The following DUSP6 variants were observed in gnomAD, a reference collection of about 807,000 sequenced individuals.
DUSP6 encodes dual specificity phosphatase 6, also known as dual specificity protein phosphatase 6.
In DUSP6, 6 loss-of-function variants were observed where a neutral mutation model predicts 28.0. The observed-to-expected ratio is 0.21, with a 90% CI of 0.12 to 0.42. DUSP6 has a LOEUF of 0.42. Ranked by LOEUF, DUSP6 falls within the 10% of genes least tolerant of loss-of-function variation. DUSP6 has a pLI of 1.00. For missense variants in DUSP6, 451 were observed against 498.1 expected (o/e 0.91, Z 0.90); for synonymous variants, 252 against 217.5 (o/e 1.16, Z -1.40).
Position 89,350,920 on chromosome 12 carries a change from C to G in DUSP6, c.506G>C (p.Gly169Ala), listed in dbSNP as rs772620260. 1 of 1,613,794 alleles carries G rather than the reference C, an allele frequency of 6.2e-7. No individual in the cohort carries two copies. Among genetic ancestry groups the G allele is most frequent in the Admixed American group, 1.7e-5 (1 of 60,026 alleles). Reference sequence around the variant, plus strand: ...GGAAGAGTCAGAGCTGATCCGCAGGCCCCCGAGCCCCAGCACTGGCAACGG... The same window carrying G: ...GGAAGAGTCAGAGCTGATCCGCAGGGCCCCGAGCCCCAGCACTGGCAACGG... The part of the protein sequence containing the change: ...SPPLPVLGLG[G>A]LRISSDSSSD... Residue 169 changes from glycine to alanine, a missense_variant, in exon 2 of 3, where the codon GGC (glycine) becomes GCC (alanine). Physicochemically the swap from Gly to Ala is moderately conservative, Grantham distance 60. This residue lies in a region of DUSP6 where 347 missense variants were observed against 346.6 expected (regional missense o/e 1.00). Coordinates refer to ENST00000279488, the MANE Select transcript of DUSP6 (RefSeq NM_001946.4).
At chr12:89,350,256 T>C (rs757270189) in intron 2 of DUSP6, among the ~76,000 whole-genome samples, 5 of 152,248 alleles carry the variant, frequency 3.3e-5, no homozygotes, top group Admixed American at 6.5e-5. Flanking sequence ...CTGGAATTCC[T>C]GTCTATAGTG....
intron 2 of DUSP6, among the ~76,000 whole-genome samples, chr12:89,350,012 G>T (rs140042461): frequency 6.6e-6 from 1 of 152,144 alleles, no homozygotes; most frequent in Non-Finnish European, 1.5e-5. Context: ...ATGTCGACAC[G>T]GCCTGAAAAT....
Position 89,351,757 on chromosome 12 carries a change from C to T in DUSP6, c.283G>A (p.Val95Met), listed in dbSNP as rs1265642275. The change falls in exon 1 of 3, where the codon GTG (valine) becomes ATG (methionine). Residue 95 changes from valine (V) to methionine (M), a missense_variant. Val to Met is a conservative substitution (Grantham distance 21). This residue lies in a region of DUSP6 where 347 missense variants were observed against 346.6 expected (regional missense o/e 1.00). Coordinates refer to ENST00000279488, the MANE Select transcript of DUSP6 (RefSeq NM_001946.4). The part of the protein sequence containing the change: ...RFTRRCGTDT[V>M]VLYDESSSDW... Reference sequence around the variant, plus strand: ...CTGCTGCTCTCGTCGTAGAGCACCACTGTGTCGGTGCCACAGCGCCGGGTG... The same window carrying T: ...CTGCTGCTCTCGTCGTAGAGCACCATTGTGTCGGTGCCACAGCGCCGGGTG... The T allele has an allele frequency of 1.9e-6, 3 of 1,608,430 alleles. No individual in the cohort carries two copies. The highest frequency in any genetic ancestry group is 1.7e-5 in the Admixed American group (1 of 59,348).
Position 89,350,651 on chromosome 12 carries a change from G to A in DUSP6, c.775C>T (p.Pro259Ser). The A allele has an allele frequency of 6.2e-7, 1 of 1,614,132 alleles. No homozygotes were observed. ...TTTTGGCTCCAGTGATCCGAGATGG[G>A]GATTTGCTTGTATTTAAACTCTCCT... ...NAGEFKYKQI[P>S]ISDHWSQNLS... Residue 259 changes from proline (P) to serine (S), a missense_variant, in exon 2 of 3, where the codon CCC becomes TCC. Pro to Ser is a moderately conservative substitution (Grantham distance 74). Coordinates refer to ENST00000279488, the MANE Select transcript of DUSP6 (RefSeq NM_001946.4).
chr12:89,351,348 G>A (rs1287335633), intron 1 of DUSP6: 2 of 579,788 alleles, frequency 3.4e-6, no homozygotes, highest in South Asian at 2.3e-5. Flanking sequence ...AAAATCGAAC[G>A]ATAGAAAACA....
At position 89,349,359 on chromosome 12, in the gene DUSP6, C is replaced by CA. The variant is rs955744794; in HGVS notation, c.1040dup (p.Leu349ThrfsTer6). 6.2e-7 allele frequency: 1 copy of CA among 1,614,102 alleles called. No individual in the cohort carries two copies. Among genetic ancestry groups the CA allele is most frequent in the Non-Finnish European group, 8.5e-7 (1 of 1,180,052 alleles). ...TGTTGTCACATGGGCTGCTGAGTCC[C>CA]AGCGTCCTCTCGAAGTCCAGCAGCT... On this transcript the variant is annotated frameshift_variant, in exon 3 of 3. Coordinates refer to ENST00000279488, the MANE Select transcript of DUSP6 (RefSeq NM_001946.4). LOFTEE classifies it high-confidence loss of function.
chr12:89,349,306 G>C lies in DUSP6; in HGVS notation c.1094C>G (p.Thr365Ser). The change falls in exon 3 of 3, where the codon ACC becomes AGC. Residue 365 changes from threonine to serine, a missense_variant. This residue lies in a region of DUSP6 where 104 missense variants were observed against 151.4 expected (regional missense o/e 0.69). Coordinates refer to ENST00000279488, the MANE Select transcript of DUSP6 (RefSeq NM_001946.4). ...GTATACATTCTGGTTGGAAGGGGTGGTAAAATACAGCTGCTGTGCTGGAAC... is the reference window on the plus strand; with the variant it reads ...GTATACATTCTGGTTGGAAGGGGTGCTAAAATACAGCTGCTGTGCTGGAAC... Reference protein sequence around the residue: ...NRVPAQQLYFTTPSNQNVYQV... With the variant: ...NRVPAQQLYFSTPSNQNVYQV... The C allele has an allele frequency of 6.2e-7, 1 of 1,614,120 alleles. No homozygotes were observed. The highest frequency in any genetic ancestry group is 1.1e-5 in the South Asian group (1 of 91,090).
At position 89,350,903 on chromosome 12, in the gene DUSP6, C is replaced by CAG; in HGVS notation, c.521_522dup (p.Asp175LeufsTer64). Reference sequence around the variant, plus strand: ...TCAGACTCGATGTCCGAGGAAGAGTCAGAGCTGATCCGCAGGCCCCCGAGC... The same window carrying CAG: ...TCAGACTCGATGTCCGAGGAAGAGTCAGAGAGCTGATCCGCAGGCCCCCGAGC... On this transcript the variant is annotated frameshift_variant, in exon 2 of 3. Transcript: ENST00000279488. LOFTEE classifies it high-confidence loss of function. 6.2e-7 allele frequency: 1 copy of CAG among 1,613,890 alleles called. No homozygotes were observed. The highest frequency in any genetic ancestry group is 8.5e-7 in the Non-Finnish European group (1 of 1,179,940).
At position 89,350,908 on chromosome 12, in the gene DUSP6, C is replaced by T. The variant is rs1478642414; in HGVS notation, c.518G>A (p.Ser173Asn). 16 of 1,613,738 alleles carry T rather than the reference C, an allele frequency of 9.9e-6. No homozygotes were observed. The highest frequency in any genetic ancestry group is 1.4e-5 in the Non-Finnish European group (16 of 1,179,958). ...CTCGATGTCCGAGGAAGAGTCAGAGCTGATCCGCAGGCCCCCGAGCCCCAG... is the reference window on the plus strand; with the variant it reads ...CTCGATGTCCGAGGAAGAGTCAGAGTTGATCCGCAGGCCCCCGAGCCCCAG... The part of the protein sequence containing the change: ...PVLGLGGLRI[S>N]SDSSSDIESD... The change falls in exon 2 of 3, where the codon AGC becomes AAC. Residue 173 changes from serine (S) to asparagine (N), a missense_variant. This residue lies in a region of DUSP6 where 347 missense variants were observed against 346.6 expected (regional missense o/e 1.00). Transcript: ENST00000279488.
chr12:89,349,022 G>C lies in DUSP6; in HGVS notation c.*232C>G, dbSNP rs1016833265. The C allele has an allele frequency of 8.0e-5, 43 of 538,644 alleles. No homozygotes were observed. The Middle Eastern group carries it at 1.5e-3, about 18-fold the overall frequency. The allele number at this position is 538,644 out of a possible 1,614,324, so 33.4% of individuals were successfully genotyped here. On this transcript the variant is annotated 3_prime_UTR_variant, in exon 3 of 3. Transcript: ENST00000279488. ...TGGGTAGGCTGTACACATGGGTACA[G>C]AGCAAACCTACTGCCTGTATCTATA...
At position 89,350,711 on chromosome 12, in the gene DUSP6, C is replaced by A. The variant is rs759708987; in HGVS notation, c.715G>T (p.Val239Phe). 1 of 1,613,972 alleles carries A rather than the reference C, an allele frequency of 6.2e-7. No individual in the cohort carries two copies. The highest frequency in any genetic ancestry group is 8.5e-7 in the Non-Finnish European group (1 of 1,180,032). ...AAGAGATTCGGCAAATTGGGGGTGACGTTCAAGATGTACTTGATGCCGAAT... is the reference window on the plus strand; with the variant it reads ...AAGAGATTCGGCAAATTGGGGGTGAAGTTCAAGATGTACTTGATGCCGAAT... ...EEFGIKYILN[V>F]TPNLPNLFEN... The change falls in exon 2 of 3, where the codon GTC (valine) becomes TTC (phenylalanine). Residue 239 changes from valine (V) to phenylalanine (F), a missense_variant. Transcript: ENST00000279488.
intron 2 of DUSP6, among the ~76,000 whole-genome samples, chr12:89,349,798 A>G (rs1011479171): frequency 6.6e-6 from 1 of 151,988 alleles, no homozygotes; most frequent in African/African-American, 2.4e-5. Flanking sequence ...CCAACAAAAA[A>G]CTCCTTAATG....
Position 89,349,324 on chromosome 12 carries a change from G to A in DUSP6, c.1076C>T (p.Ala359Val). Reference sequence around the variant, plus strand: ...AGGGGTGGTAAAATACAGCTGCTGTGCTGGAACCCTGTTGTCACATGGGCT... The same window carrying A: ...AGGGGTGGTAAAATACAGCTGCTGTACTGGAACCCTGTTGTCACATGGGCT... The part of the protein sequence containing the change: ...LSSPCDNRVP[A>V]QQLYFTTPSN... Residue 359 changes from alanine (A) to valine (V), a missense_variant, in exon 3 of 3, where the codon GCA (alanine) becomes GTA (valine). Physicochemically the swap from Ala to Val is moderately conservative, Grantham distance 64 (BLOSUM62 0). Around this residue, in one of 2 missense-constraint regions of DUSP6, gnomAD observed 104 missense variants for 151.4 expected, o/e 0.69. Transcript: ENST00000279488. The A allele has an allele frequency of 6.2e-7, 1 of 1,614,216 alleles. No individual in the cohort carries two copies. The highest frequency in any genetic ancestry group is 8.5e-7 in the Non-Finnish European group (1 of 1,180,034).
rs572470730 is a variant in DUSP6 at position 89,348,917 on chromosome 12, G to T, written c.*337C>A. 22 of 216,142 alleles carry T rather than the reference G, an allele frequency of 1.0e-4. No homozygotes were observed. Among genetic ancestry groups the T allele is most frequent in the Admixed American group, 5.7e-4 (11 of 19,388 alleles). The allele number at this position is 216,142 out of a possible 1,614,324, so 13.4% of individuals were successfully genotyped here. A position where few individuals can be genotyped will look rare whatever the true frequency, so the allele number is the denominator to read the frequency against. The stretch of plus-strand genomic sequence containing the variant: ...ATGCAAAAGGAAACAGCCTTACAAG[G>T]CCCTAAAGAACACATGCTCCTACCC... On this transcript the variant is annotated 3_prime_UTR_variant, in exon 3 of 3. Coordinates refer to ENST00000279488, the MANE Select transcript of DUSP6 (RefSeq NM_001946.4).
At position 89,348,111 on chromosome 12, in the gene DUSP6, T is replaced by G. The variant is rs962254310; in HGVS notation, c.*1143A>C. 1.3e-5 allele frequency: 2 copies of G among 152,672 alleles called. No individual in the cohort carries two copies. Among genetic ancestry groups the G allele is most frequent in the Admixed American group, 6.5e-5 (1 of 15,290 alleles). The allele number at this position is 152,672 out of a possible 1,614,324, so 9.5% of individuals were successfully genotyped here. On this transcript the variant is annotated 3_prime_UTR_variant, in exon 3 of 3. Transcript: ENST00000279488. ...AATAATTTAAGGTTTTACATTCTTA[T>G]AATAAATTCCAGCTCTAAACTTTAC...
At position 89,350,725 on chromosome 12, in the gene DUSP6, T is replaced by C. The variant is rs1160807234; in HGVS notation, c.701A>G (p.Lys234Arg). 1.9e-6 allele frequency: 3 copies of C among 1,614,174 alleles called. No homozygotes were observed. Among genetic ancestry groups the C allele is most frequent in the African/African-American group, 1.3e-5 (1 of 75,052 alleles). Residue 234 changes from lysine (K) to arginine (R), a missense_variant, in exon 2 of 3, where the codon AAG (lysine) becomes AGG (arginine). Physicochemically the swap from Lys to Arg is conservative, Grantham distance 26 (BLOSUM62 2). This residue lies in a region of DUSP6 where 347 missense variants were observed against 346.6 expected (regional missense o/e 1.00). Coordinates refer to ENST00000279488, the MANE Select transcript of DUSP6 (RefSeq NM_001946.4). ...NLDVLEEFGIKYILNVTPNLP... is the reference protein window; with the variant it reads ...NLDVLEEFGIRYILNVTPNLP... ...ATTGGGGGTGACGTTCAAGATGTACTTGATGCCGAATTCCTCCAACACGTC... is the reference window on the plus strand; with the variant it reads ...ATTGGGGGTGACGTTCAAGATGTACCTGATGCCGAATTCCTCCAACACGTC...
chr12:89,348,806 A>G lies in DUSP6; in HGVS notation c.*448T>C, dbSNP rs1394540964. On this transcript the variant is annotated 3_prime_UTR_variant, in exon 3 of 3. Coordinates refer to ENST00000279488, the MANE Select transcript of DUSP6 (RefSeq NM_001946.4). ...TTTTTTTTTCCAAACTGATACCACA[A>G]ATACAGAGCTGAAATCTCTCTTTGG... 6.5e-6 allele frequency: 1 copy of G among 154,536 alleles called. No individual in the cohort carries two copies. Among genetic ancestry groups the G allele is most frequent in the Non-Finnish European group, 1.4e-5 (1 of 69,340 alleles). 9.6% of individuals were successfully genotyped at this position (154,536 alleles called of 1,614,324 possible).
chr12:89,349,651 A>T, intron 2 of DUSP6, 90 bp from the exon 3 acceptor site: 3 of 965,626 alleles, frequency 3.1e-6, no homozygotes, highest in Non-Finnish European at 4.6e-6. Flanking sequence ...TGAAAACATA[A>T]TAATAATAAT....
Position 89,350,896 on chromosome 12 carries a change from G to C in DUSP6, c.530C>G (p.Ser177Cys). 6.2e-7 allele frequency: 1 copy of C among 1,613,978 alleles called. No homozygotes were observed. The highest frequency in any genetic ancestry group is 8.5e-7 in the Non-Finnish European group (1 of 1,179,954). The change falls in exon 2 of 3, where the codon TCC becomes TGC. Residue 177 changes from serine (S) to cysteine (C), a missense_variant. Coordinates refer to ENST00000279488, the MANE Select transcript of DUSP6 (RefSeq NM_001946.4). ...LGGLRISSDS[S>C]SDIESDLDRD... The stretch of plus-strand genomic sequence containing the variant: ...GTCAAGGTCAGACTCGATGTCCGAG[G>C]AAGAGTCAGAGCTGATCCGCAGGCC...
Sources: allele counts gnomAD v4.1 joint callset (sites outside exome capture counted in the v4.1 genomes callset), GRCh38; gene constraint gnomAD v4.1.1; regional missense constraint gnomAD v4.1.1; transcripts MANE v1.5; gene names NCBI Gene and HGNC (gene_info 2026-07-23, HGNC 2026-07-21).